Variants in SYNE3 observed in about 807,000 individuals in gnomAD.
SYNE3 encodes spectrin repeat containing nuclear envelope family member 3.
Under a neutral mutation model 111.2 loss-of-function variants are expected in SYNE3, and 100 were observed. The observed-to-expected ratio is 0.90, with a 90% CI of 0.77 to 1.06. SYNE3 has a LOEUF of 1.06. Among genes scored for constraint, SYNE3 ranks in the 50% least tolerant of loss-of-function variants. The pLI is 0.00. For missense variants in SYNE3, 1,160 were observed against 1,240.3 expected, an observed-to-expected ratio of 0.94 and a Z score of 0.97; for synonymous variants, 547 against 533.9, an observed-to-expected ratio of 1.02 and a Z score of -0.34.
At chr14:95,430,750 G>A (rs1267656213) in intron 17 of SYNE3, among the ~76,000 whole-genome samples, 1 of 152,048 alleles carries the variant, frequency 6.6e-6, no homozygotes, top group Non-Finnish European at 1.5e-5. Context: ...CTTGAACCTG[G>A]GAGGCAGAGG....
chr14:95,475,014 A>G (rs558233824), intron 2 of SYNE3, among the ~76,000 whole-genome samples: 51 of 152,338 alleles, frequency 3.3e-4, no homozygotes, highest in African/African-American at 9.6e-4. Context: ...TCACACAGCA[A>G]TCTAGCATCA....
intron 8 of SYNE3, among the ~76,000 whole-genome samples, chr14:95,449,006 G>A (rs1886886828): frequency 6.6e-6 from 1 of 152,114 alleles, no homozygotes; most frequent in Non-Finnish European, 1.5e-5. Flanking sequence ...TCTCACACAC[G>A]TTTGAGTCTT....
chr14:95,499,012 C>T lies in SYNE3; in HGVS notation c.-15+17584G>A, dbSNP rs530206796. On this transcript the variant is annotated intron_variant, in intron 1 of 17. Coordinates refer to ENST00000682763, the MANE Select transcript of SYNE3 (RefSeq NM_152592.6). ...ATAACTGGCACCCCAGCCTGAGAAA[C>T]GGCAGGGTTCATTTCAAATGGGAGT... is the stretch of plus-strand genomic sequence containing the variant. Among the ~76,000 whole-genome samples, 75 of 152,336 alleles carry T rather than the reference C, an allele frequency of 4.9e-4. No individual in the cohort carries two copies. In the Middle Eastern group the frequency reaches 0.01, roughly 21 times the overall value.
In SYNE3 at chr14:95,506,584, G is replaced by A. The variant is rs529938743; in HGVS notation, c.-15+10012C>T. On this transcript the variant is annotated intron_variant, in intron 1 of 17. Coordinates refer to ENST00000682763, the MANE Select transcript of SYNE3 (RefSeq NM_152592.6). Reference sequence around the variant, plus strand: ...CTCACTGCACGTGCTGGGGACAGAGGCAGGCAGAAGTGCTGAGCTCCCTTC... The same window carrying A: ...CTCACTGCACGTGCTGGGGACAGAGACAGGCAGAAGTGCTGAGCTCCCTTC... 2.0e-5 allele frequency among the ~76,000 whole-genome samples: 3 copies of A among 152,358 alleles called. No homozygotes were observed. The South Asian group carries it at 6.2e-4, about 32-fold the overall frequency.
intron 14 of SYNE3, among the ~76,000 whole-genome samples, chr14:95,437,365 G>T (rs1327800072): frequency 6.6e-6 from 1 of 152,208 alleles, no homozygotes; most frequent in African/African-American, 2.4e-5. Context: ...CTACTCCCCA[G>T]TGTGACCCGG....
At chr14:95,443,074 A>G in intron 11 of SYNE3, 81 bp downstream of exon 11, 1 of 1,539,668 alleles carries the variant, frequency 6.5e-7, no homozygotes, top group Non-Finnish European at 8.8e-7. Context: ...AAGGCAGGAA[A>G]GGGGAAGAAA....
In SYNE3 at chr14:95,414,196, C is replaced by T. The variant is rs192899664; in HGVS notation, c.*3630G>A. 306 of 152,344 alleles carry T rather than the reference C, an allele frequency of 2.0e-3. 1 individual carries two copies. Among genetic ancestry groups the T allele is most frequent in the African/African-American group, 7.0e-3 (293 of 41,580 alleles). The allele number at this position is 152,344 out of a possible 1,614,324, so 9.4% of individuals were successfully genotyped here. On this transcript the variant is annotated 3_prime_UTR_variant, in exon 18 of 18. Coordinates refer to ENST00000682763, the MANE Select transcript of SYNE3 (RefSeq NM_152592.6). ...GCCTGAAGCCCCCCTCCAGCCTGGG[C>T]TTTGGGGTCCTCATTGCCCCATGTT...
intron 17 of SYNE3, among the ~76,000 whole-genome samples, chr14:95,422,002 G>C (rs1323642386): frequency 2.6e-5 from 4 of 152,186 alleles, no homozygotes; most frequent in African/African-American, 9.7e-5. Flanking sequence ...CACTGATTAA[G>C]ATCTGTGCTG....
At chr14:95,463,551 A>G (rs1241081910) in intron 4 of SYNE3, among the ~76,000 whole-genome samples, 1 of 152,242 alleles carries the variant, frequency 6.6e-6, no homozygotes, top group Admixed American at 6.5e-5. Flanking sequence ...CACAGCAAAG[A>G]GGCTGTGGAG....
intron 1 of SYNE3, among the ~76,000 whole-genome samples, chr14:95,480,237 C>T (rs1400410864): frequency 6.6e-6 from 1 of 152,224 alleles, no homozygotes; most frequent in Non-Finnish European, 1.5e-5. Flanking sequence ...TGTCTCTGAG[C>T]TGTCCCCACT....
Position 95,470,518 on chromosome 14 carries a change from G to T in SYNE3, c.145-2551C>A, listed in dbSNP as rs535369071. Among the ~76,000 whole-genome samples the T allele has an allele frequency of 6.6e-6, 1 of 151,992 alleles. No individual in the cohort carries two copies. The highest frequency in any genetic ancestry group is 1.5e-5 in the Non-Finnish European group (1 of 67,984). On this transcript the variant is annotated intron_variant, in intron 2 of 17. Coordinates refer to ENST00000682763, the MANE Select transcript of SYNE3 (RefSeq NM_152592.6). The surrounding 1 kb of genome is among the most constrained non-coding windows in gnomAD (Gnocchi z 4.2). ...AAAAAAAAACTAGCCAGGCACAGTG[G>T]CATATGCCTGTAGTCCTAGTTACTC... is the stretch of plus-strand genomic sequence containing the variant.
At chr14:95,497,088 C>G (rs1003302334) in intron 1 of SYNE3, among the ~76,000 whole-genome samples, 1 of 152,222 alleles carries the variant, frequency 6.6e-6, no homozygotes, top group Non-Finnish European at 1.5e-5. Context: ...GTGTGAGGCT[C>G]CAGGGCTGGG....
At chr14:95,513,229 C>T (rs1380486560) in intron 1 of SYNE3, among the ~76,000 whole-genome samples, 6 of 152,148 alleles carry the variant, frequency 3.9e-5, no homozygotes, top group Non-Finnish European at 5.9e-5. Flanking sequence ...TAATCACCTT[C>T]TTGCTTTTTG....
At chr14:95,418,466 A>C (rs1317087922) in intron 17 of SYNE3, among the ~76,000 whole-genome samples, 1 of 152,206 alleles carries the variant, frequency 6.6e-6, no homozygotes, top group African/African-American at 2.4e-5. Flanking sequence ...TGTCATGATT[A>C]GTATGCATCC....
At chr14:95,469,912 G>A (rs1228735052) in intron 2 of SYNE3, among the ~76,000 whole-genome samples, 2 of 152,038 alleles carry the variant, frequency 1.3e-5, no homozygotes, top group Admixed American at 1.3e-4. Context: ...GATGATAATA[G>A]TATAGAAGGA....
At position 95,468,021 on chromosome 14, in the gene SYNE3, A is replaced by C. The variant is rs1027841674; in HGVS notation, c.145-54T>G. On this transcript the variant is annotated intron_variant, in intron 2 of 17. Transcript: ENST00000682763. Reference sequence around the variant, plus strand: ...GGGTTGGCAAAAGGCAGACAGGCACAACCTTGGGAAGATAGTGGCATGGTG... The same window carrying C: ...GGGTTGGCAAAAGGCAGACAGGCACCACCTTGGGAAGATAGTGGCATGGTG... The C allele has an allele frequency of 1.6e-5, 25 of 1,558,120 alleles. No homozygotes were observed. In the Admixed American group the frequency reaches 3.3e-4, roughly 21 times the overall value.
At chr14:95,447,934 G>C (rs1354555614) in intron 8 of SYNE3, among the ~76,000 whole-genome samples, 1 of 152,156 alleles carries the variant, frequency 6.6e-6, no homozygotes, top group African/African-American at 2.4e-5. Flanking sequence ...CAAAATATGT[G>C]AATTATGACA....
chr14:95,436,783 AACCTTATGGATGAGGG>A, intron 15 of SYNE3, 21 bp downstream of exon 15: 1 of 1,607,544 alleles, frequency 6.2e-7, no homozygotes. Flanking sequence ...TGTGGGTGCA[AACCTTATGGATGAGGG>A]ACCTTTCCTG....
At chr14:95,468,105 C>T (rs1888307227) in intron 2 of SYNE3, 138 bp from the exon 3 acceptor site, 1 of 1,081,166 alleles carries the variant, frequency 9.2e-7, no homozygotes, top group South Asian at 1.7e-5. Context: ...CCCCTGCACC[C>T]CTTCTTGTGG....
Sources: allele counts gnomAD v4.1 joint callset (sites outside exome capture counted in the v4.1 genomes callset), GRCh38; gene constraint gnomAD v4.1.1; non-coding constraint Gnocchi (gnomAD v3.1); transcripts MANE v1.5; gene names NCBI Gene and HGNC (gene_info 2026-07-23, HGNC 2026-07-21).